Variants in CCM2 observed in about 807,000 individuals in gnomAD.
CCM2 encodes cerebral cavernous malformations 2 protein.
Under a neutral mutation model 44.9 loss-of-function variants are expected in CCM2, and 25 were observed. That is an observed-to-expected ratio of 0.56 (90% CI 0.41 to 0.78). CCM2 has a LOEUF of 0.78. CCM2 is among the 30% of genes least tolerant of loss of function. CCM2 has a pLI of 0.00. For synonymous variants in CCM2, 219 were observed against 241.1 expected (o/e 0.91, Z 0.85); for missense variants, 481 against 580.6 (o/e 0.83, Z 1.76).
At chr7:45,069,707 G>T in intron 5 of CCM2, 119 bp from the exon 6 acceptor site, 1 of 1,294,958 alleles carries the variant, frequency 7.7e-7, no homozygotes. Context: ...ACACATTCTG[G>T]TATCCACTCT....
At chr7:45,009,300 CAAAA>C (rs774413571) in intron 1 of CCM2, among the ~76,000 whole-genome samples, 2 of 20,168 alleles carry the variant, frequency 9.9e-5, no homozygotes, top group Non-Finnish European at 9.1e-5. Flanking sequence ...GCCTCTGTCT[CAAAA>C]AAAAAAAAAA....
chr7:45,014,396 C>T (rs551716110), intron 1 of CCM2, among the ~76,000 whole-genome samples: 10 of 152,274 alleles, frequency 6.6e-5, no homozygotes, highest in Admixed American at 5.9e-4. Context: ...ACCTCGGCCT[C>T]CCAAAGTGCT....
intron 2 of CCM2, among the ~76,000 whole-genome samples, chr7:45,063,577 A>T (rs981813310): frequency 6.6e-6 from 1 of 152,220 alleles, no homozygotes; most frequent in Non-Finnish European, 1.5e-5. Flanking sequence ...TTTCCCCAGC[A>T]GTGACGAGAA....
chr7:45,011,613 G>A (rs900001168), intron 1 of CCM2, among the ~76,000 whole-genome samples: 8 of 151,812 alleles, frequency 5.3e-5, no homozygotes, highest in South Asian at 2.1e-4. Context: ...GTGCAGTGGC[G>A]TGATCTTGGC....
chr7:45,013,474 A>C (rs912436631), intron 1 of CCM2, among the ~76,000 whole-genome samples: 1 of 152,194 alleles, frequency 6.6e-6, no homozygotes, highest in East Asian at 1.9e-4. Flanking sequence ...CTGAACCATT[A>C]AGAATAAGCT....
At chr7:45,042,394 G>A (rs1797555704) in intron 2 of CCM2, among the ~76,000 whole-genome samples, 1 of 152,070 alleles carries the variant, frequency 6.6e-6, no homozygotes, top group African/African-American at 2.4e-5. Context: ...AGATCTTATG[G>A]GTTGAAACGT....
Position 45,058,451 on chromosome 7 carries a change from T to C in CCM2, c.205-5467T>C, listed in dbSNP as rs190443938. Among the ~76,000 whole-genome samples the C allele has an allele frequency of 2.8e-3, 423 of 151,048 alleles. 4 individuals are homozygous for C. The highest frequency in any genetic ancestry group is 1.0e-2 in the African/African-American group (411 of 41,112). ...ATCATTTAGCATTAGGTATATCTTC[T>C]AATGCTATCCCTCCCCCCTCCCCCC... On this transcript the variant is annotated intron_variant, in intron 2 of 9. Transcript: ENST00000258781.
At chr7:45,068,395 A>C (rs760170287) in intron 4 of CCM2, 48 bp from the exon 5 acceptor site, 1 of 1,613,178 alleles carries the variant, frequency 6.2e-7, no homozygotes, top group Non-Finnish European at 8.5e-7. Context: ...AAGTGCCCCC[A>C]TGCCTGCCCT....
intron 1 of CCM2, among the ~76,000 whole-genome samples, chr7:45,031,597 A>C (rs1796973668): frequency 6.6e-6 from 1 of 151,888 alleles, no homozygotes; most frequent in Non-Finnish European, 1.5e-5. Context: ...TTGCTCTGTC[A>C]CCCAGGCTGG....
intron 1 of CCM2, among the ~76,000 whole-genome samples, chr7:45,011,547 C>T (rs1796068170): frequency 1.3e-5 from 2 of 151,330 alleles, no homozygotes; most frequent in Non-Finnish European, 2.9e-5. Context: ...TTAATGGTTG[C>T]TTTATTTATT....
At position 45,062,253 on chromosome 7, in the gene CCM2, G is replaced by A. The variant is rs553477397; in HGVS notation, c.205-1665G>A. ...TTTAATAGAGAACTTAACTGTGTGA[G>A]GTAATGAACAACTGAGAAATGTTGA... On this transcript the variant is annotated intron_variant, in intron 2 of 9. Coordinates refer to ENST00000258781, the MANE Select transcript of CCM2 (RefSeq NM_031443.4). 3.3e-5 allele frequency among the ~76,000 whole-genome samples: 5 copies of A among 152,264 alleles called. No homozygotes were observed. In the East Asian group the frequency reaches 9.7e-4, roughly 29 times the overall value.
At chr7:45,031,951 A>G (rs1796989475) in intron 1 of CCM2, among the ~76,000 whole-genome samples, 1 of 152,122 alleles carries the variant, frequency 6.6e-6, no homozygotes, top group East Asian at 1.9e-4. Flanking sequence ...TGTATCTGGA[A>G]TAGCAGAGAG....
rs1462817923 is a variant in CCM2 at position 45,038,301 on chromosome 7, A to T, written c.79A>T (p.Ser27Cys). 3.7e-6 allele frequency: 6 copies of T among 1,614,212 alleles called. No individual in the cohort carries two copies. The East Asian group carries it at 1.3e-4, about 36-fold the overall frequency. The change falls in exon 2 of 10, where the codon AGT becomes TGT. Residue 27 changes from serine to cysteine, a missense_variant. Physicochemically the swap from Ser to Cys is moderately radical, Grantham distance 112. Transcript: ENST00000258781. ...ACGAGTATTCCTAAAAGGTGAAAAG[A>T]GTAGAGATAAGAAAGCCCATGAGAA... ...FKRVFLKGEK[S>C]RDKKAHEKVT...
chr7:45,042,809 C>G (rs1460291510), intron 2 of CCM2, among the ~76,000 whole-genome samples: 2 of 151,048 alleles, frequency 1.3e-5, no homozygotes, highest in Admixed American at 6.6e-5. Context: ...TTGAAAACTC[C>G]CATTAAAAAA....
At chr7:45,061,455 TC>T (rs1443576016) in intron 2 of CCM2, among the ~76,000 whole-genome samples, 19 of 147,044 alleles carry the variant, frequency 1.3e-4, no homozygotes, top group Admixed American at 7.6e-4. Context: ...TTTCTTTCTT[TC>T]TTTTTTTTTT....
chr7:45,014,950 CAATAGCACCA>C (rs1366543247), intron 1 of CCM2, among the ~76,000 whole-genome samples: 1 of 152,144 alleles, frequency 6.6e-6, no homozygotes, highest in Non-Finnish European at 1.5e-5. Context: ...GTGTACAGTT[CAATAGCACCA>C]AGAATATTCA....
intron 1 of CCM2, among the ~76,000 whole-genome samples, chr7:45,032,477 A>T (rs962669634): frequency 6.6e-6 from 1 of 152,168 alleles, no homozygotes; most frequent in Non-Finnish European, 1.5e-5. Context: ...CAGCTTTAAG[A>T]ACAGGGTGGC....
chr7:45,016,640 C>CT (rs138906479), intron 1 of CCM2, among the ~76,000 whole-genome samples: 6,147 of 128,494 alleles, frequency 0.048, 183 homozygotes, highest in Non-Finnish European at 0.065. Flanking sequence ...AAACATGCAT[C>CT]TTTTTTTTTT....
At chr7:45,051,337 C>T (rs1183291198) in intron 2 of CCM2, among the ~76,000 whole-genome samples, 2 of 152,266 alleles carry the variant, frequency 1.3e-5, no homozygotes, top group South Asian at 2.1e-4. Context: ...GTGTCATCTC[C>T]CAGCTGGCCA....
Sources: gnomAD v4.1 joint callset for allele counts (sites outside exome capture counted in the v4.1 genomes callset) on GRCh38, gnomAD v4.1.1 for gene constraint, MANE v1.5 for transcripts, NCBI Gene and HGNC (gene_info 2026-07-23, HGNC 2026-07-21) for gene names.